Variants in GLDN observed in about 807,000 individuals in gnomAD.
GLDN encodes the protein gliomedin, also known as collomin.
Under a neutral mutation model 56.5 loss-of-function variants are expected in GLDN, and 47 were observed. The observed-to-expected ratio is 0.83, with a 90% CI of 0.66 to 1.06. The LOEUF is 1.06. GLDN is among the 50% of genes least tolerant of loss of function. GLDN has a pLI of 0.00. For missense variants in GLDN, 782 were observed against 714.3 expected (o/e 1.09, Z -1.08); for synonymous variants, 332 against 278.8 (o/e 1.19, Z -1.90).
At position 51,342,067 on chromosome 15, in the gene GLDN, C is replaced by A. The variant is rs778828568; in HGVS notation, c.363+20C>A. 3.0e-5 allele frequency: 47 copies of A among 1,588,862 alleles called. No homozygotes were observed. The South Asian group carries it at 5.1e-4, about 17-fold the overall frequency. ...GTGCCGGTAGGCGGGGTCTCTGTTC[C>A]CCGTGGCGCCCCGGCCAGGTGGGCG... On this transcript the variant is annotated intron_variant, in intron 1 of 9. Coordinates refer to ENST00000335449, the MANE Select transcript of GLDN (RefSeq NM_181789.4).
chr15:51,384,196 G>A (rs181972654), intron 4 of GLDN: 428 of 381,220 alleles, frequency 1.1e-3, no homozygotes, highest in Non-Finnish European at 1.8e-3. Context: ...GCATTCTGTG[G>A]GCCGTGTGAC....
rs757345025 is a variant in GLDN at position 51,383,385 on chromosome 15, G to T, written c.416-51G>T. 1.1e-5 allele frequency: 17 copies of T among 1,607,626 alleles called. No individual in the cohort carries two copies. In the East Asian group the frequency reaches 2.2e-4, roughly 21 times the overall value. On this transcript the variant is annotated intron_variant, in intron 2 of 9. Transcript: ENST00000335449. ...GATTTGAAGGTCGGGGGTGCTCTTT[G>T]TTTTCTGGGTTCGGTGCTGGTTTCT...
intron 4 of GLDN, chr15:51,384,395 G>A (rs942992785): frequency 1.1e-5 from 2 of 183,696 alleles, no homozygotes; most frequent in African/African-American, 4.8e-5. Context: ...CCTCCCTGTG[G>A]CCGGCACTCA....
intron 1 of GLDN, among the ~76,000 whole-genome samples, chr15:51,363,538 T>A (rs1425789843): frequency 6.6e-6 from 1 of 152,192 alleles, no homozygotes; most frequent in Admixed American, 6.5e-5. Flanking sequence ...TATGGGCATG[T>A]GGGTGCACAC....
At chr15:51,409,492 A>G (rs1285536101), downstream of GLDN, among the ~76,000 whole-genome samples, 1 of 151,998 alleles carries the variant, frequency 6.6e-6, no homozygotes, top group East Asian at 1.9e-4. Flanking sequence ...CAGTCCCGCT[A>G]CTGTTTCCTC....
intron 1 of GLDN, among the ~76,000 whole-genome samples, chr15:51,373,915 A>G (rs1019127216): frequency 3.3e-5 from 5 of 152,210 alleles, no homozygotes; most frequent in African/African-American, 9.6e-5. Context: ...GTGACTTTCA[A>G]TTGGGAGTTT....
chr15:51,389,838 G>A (rs997909401), intron 4 of GLDN, among the ~76,000 whole-genome samples: 8 of 152,198 alleles, frequency 5.3e-5, no homozygotes, highest in Non-Finnish European at 8.8e-5. Flanking sequence ...GCTAGATTGG[G>A]CTAGGACTAG....
At chr15:51,360,387 C>T (rs917760326) in intron 1 of GLDN, 1 of 152,434 alleles carries the variant, frequency 6.6e-6, no homozygotes, top group African/African-American at 2.4e-5. Flanking sequence ...CGTCCATGTC[C>T]CTTGTGCCAG....
Position 51,400,489 on chromosome 15 carries a change from C to T in GLDN, c.1018C>T (p.His340Tyr). ...KSDDRIWVTEHFSGIMVKEFK... is the reference protein window; with the variant it reads ...KSDDRIWVTEYFSGIMVKEFK... The stretch of plus-strand genomic sequence containing the variant: ...TGATGACCGGATTTGGGTGACAGAG[C>T]ATTTTTCAGGTACTTGCACTCGGCC... The change falls in exon 8 of 10, where the codon CAT becomes TAT. Residue 340 changes from histidine (H) to tyrosine (Y), a missense_variant. Coordinates refer to ENST00000335449, the MANE Select transcript of GLDN (RefSeq NM_181789.4). 1 of 1,614,016 alleles carries T rather than the reference C, an allele frequency of 6.2e-7. No individual in the cohort carries two copies. Among genetic ancestry groups the T allele is most frequent in the Non-Finnish European group, 8.5e-7 (1 of 1,179,980 alleles).
At chr15:51,359,752 G>T (rs1262675551) in intron 1 of GLDN, among the ~76,000 whole-genome samples, 1 of 152,002 alleles carries the variant, frequency 6.6e-6, no homozygotes, top group African/African-American at 2.4e-5. Flanking sequence ...CGAGGAGGGC[G>T]GATCATGAGG....
At chr15:51,366,961 G>C (rs1021650647) in intron 1 of GLDN, among the ~76,000 whole-genome samples, 1 of 152,116 alleles carries the variant, frequency 6.6e-6, no homozygotes, top group African/African-American at 2.4e-5. Context: ...AATGTGTTTC[G>C]ATAACAGTAC....
At chr15:51,349,905 A>G (rs2037044984) in intron 1 of GLDN, among the ~76,000 whole-genome samples, 1 of 151,792 alleles carries the variant, frequency 6.6e-6, no homozygotes. Context: ...ATGCCCAGCT[A>G]ATTTTTTGTG....
intron 4 of GLDN, 69 bp downstream of exon 4, chr15:51,383,961 A>C: frequency 8.6e-7 from 1 of 1,165,064 alleles, no homozygotes; most frequent in Non-Finnish European, 1.3e-6. Flanking sequence ...GGGTCGACTA[A>C]AACTGTGTGC....
At chr15:51,351,037 T>C (rs28435360) in intron 1 of GLDN, 3 of 193,482 alleles carry the variant, frequency 1.6e-5, no homozygotes, top group African/African-American at 7.1e-5. Context: ...TCTTTTTTCT[T>C]TTTTTTTAAG....
At chr15:51,383,942 A>G in intron 4 of GLDN, 50 bp downstream of exon 4, 1 of 1,344,076 alleles carries the variant, frequency 7.4e-7, no homozygotes, top group South Asian at 1.2e-5. Context: ...TATCTCCATG[A>G]TTGCATTTGG....
intron 1 of GLDN, among the ~76,000 whole-genome samples, chr15:51,370,738 T>G (rs1288701443): frequency 6.6e-6 from 1 of 152,072 alleles, no homozygotes; most frequent in Non-Finnish European, 1.5e-5. Flanking sequence ...ACGCCTGTAA[T>G]CCCAGCACTT....
intron 1 of GLDN, among the ~76,000 whole-genome samples, chr15:51,368,129 C>A (rs902223061): frequency 6.6e-6 from 1 of 152,140 alleles, no homozygotes; most frequent in African/African-American, 2.4e-5. Flanking sequence ...GCTTGGGGAG[C>A]ACATTCCCTT....
intron 4 of GLDN, among the ~76,000 whole-genome samples, chr15:51,388,389 C>G (rs977823680): frequency 6.6e-6 from 1 of 152,092 alleles, no homozygotes; most frequent in Non-Finnish European, 1.5e-5. Flanking sequence ...TTGATCCCTC[C>G]CTGAAATCAC....
At chr15:51,359,907 A>G (rs539236602) in intron 1 of GLDN, among the ~76,000 whole-genome samples, 1 of 146,374 alleles carries the variant, frequency 6.8e-6, no homozygotes, top group Admixed American at 7.3e-5. Context: ...TGAACCCGGG[A>G]GGCGGAGCTT....
Sources: gnomAD v4.1 joint callset for allele counts (sites outside exome capture counted in the v4.1 genomes callset) on GRCh38, gnomAD v4.1.1 for gene constraint, MANE v1.5 for transcripts, NCBI Gene and HGNC (gene_info 2026-07-23, HGNC 2026-07-21) for gene names.